MTUS2: variants seen among roughly 807,000 people sequenced by gnomAD.
The protein encoded by MTUS2 is microtubule associated scaffold protein 2.
MTUS2 carries 40 observed loss-of-function variants against 114.1 expected under a neutral mutation model. The observed-to-expected ratio is 0.35, with a 90% CI of 0.27 to 0.46. MTUS2 has a LOEUF of 0.46. Among genes scored for constraint, MTUS2 ranks in the 20% least tolerant of loss-of-function variants. The pLI is 1.00. For missense variants in MTUS2, 1,679 were observed against 1,705.4 expected, an observed-to-expected ratio of 0.98 and a Z score of 0.27; for synonymous variants, 688 against 672.0, an observed-to-expected ratio of 1.02 and a Z score of -0.37.
intron 1 of MTUS2, among the ~76,000 whole-genome samples, chr13:28,833,948 T>C (rs925941394): frequency 6.6e-6 from 1 of 152,136 alleles, no homozygotes; most frequent in Non-Finnish European, 1.5e-5. Context: ...ATAAGATATT[T>C]AGGAACAAAT....
chr13:29,135,537 C>T (rs1425211863), intron 5 of MTUS2, among the ~76,000 whole-genome samples: 2 of 152,152 alleles, frequency 1.3e-5, no homozygotes, highest in East Asian at 1.9e-4. Flanking sequence ...AAAGTAATTA[C>T]TGATAAGGAA....
chr13:28,980,943 C>T lies in MTUS2; in HGVS notation c.-242-43514C>T, dbSNP rs146398821. On this transcript the variant is annotated intron_variant, in intron 2 of 15. Transcript: ENST00000612955. ...CCACACTAGGGCAACAGGCATAAGCCGGGACTTTGCCAGGTAATCTGGGAC... is the reference window on the plus strand; with the variant it reads ...CCACACTAGGGCAACAGGCATAAGCTGGGACTTTGCCAGGTAATCTGGGAC... 1.2e-4 allele frequency among the ~76,000 whole-genome samples: 18 copies of T among 152,332 alleles called. No individual in the cohort carries two copies. In the East Asian group the frequency reaches 2.7e-3, roughly 23 times the overall value.
At chr13:29,363,065 G>A (rs1257738822) in intron 8 of MTUS2, among the ~76,000 whole-genome samples, 1 of 151,812 alleles carries the variant, frequency 6.6e-6, no homozygotes, top group African/African-American at 2.4e-5. Context: ...CATGCTCCCA[G>A]ACCCCCAAGT....
intron 1 of MTUS2, among the ~76,000 whole-genome samples, chr13:28,825,699 C>T (rs1380879066): frequency 6.6e-6 from 1 of 152,188 alleles, no homozygotes; most frequent in Non-Finnish European, 1.5e-5. Flanking sequence ...TTTCTATACT[C>T]ATGGGGACAG....
At chr13:28,929,961 G>A (rs1265982164) in intron 2 of MTUS2, among the ~76,000 whole-genome samples, 4 of 152,182 alleles carry the variant, frequency 2.6e-5, no homozygotes, top group African/African-American at 7.2e-5. Flanking sequence ...TGGGGCTGAG[G>A]CTGCAAGGAG....
At chr13:29,097,614 A>G (rs1262618251) in intron 4 of MTUS2, among the ~76,000 whole-genome samples, 1 of 152,212 alleles carries the variant, frequency 6.6e-6, no homozygotes, top group Non-Finnish European at 1.5e-5. Context: ...TGTAGCGTAT[A>G]AAAACAGAAA....
At chr13:29,217,085 A>AT (rs1467090218) in intron 5 of MTUS2, among the ~76,000 whole-genome samples, 25 of 152,064 alleles carry the variant, frequency 1.6e-4, no homozygotes, top group African/African-American at 5.3e-4. Flanking sequence ...CTTTAGTTGA[A>AT]TTTTTCTGTA....
Position 29,025,594 on chromosome 13 carries a change from C to T in MTUS2, c.896C>T (p.Ala299Val). The T allele has an allele frequency of 1.2e-6, 2 of 1,613,966 alleles. No individual in the cohort carries two copies. Among genetic ancestry groups the T allele is most frequent in the Non-Finnish European group, 8.5e-7 (1 of 1,179,888 alleles). ...AAGGAAATCCCAAGTAAACTGGAAG[C>T]ACAATTAGGTCAGGGAAAGGGAGAG... The part of the protein sequence containing the change: ...ASKEIPSKLE[A>V]QLGQGKGEAK... Residue 299 changes from alanine to valine, a missense_variant, in exon 3 of 16, where the codon GCA becomes GTA. Physicochemically the swap from Ala to Val is moderately conservative, Grantham distance 64 (BLOSUM62 0). Transcript: ENST00000612955.
intron 5 of MTUS2, among the ~76,000 whole-genome samples, chr13:29,232,509 G>A (rs1002244695): frequency 3.9e-5 from 6 of 152,196 alleles, no homozygotes; most frequent in African/African-American, 1.4e-4. Flanking sequence ...TCCCGACTCC[G>A]AGTTCAGGAC....
chr13:29,050,907 T>G (rs750678644), intron 4 of MTUS2, among the ~76,000 whole-genome samples: 32 of 152,020 alleles, frequency 2.1e-4, no homozygotes, highest in Non-Finnish European at 3.8e-4. Flanking sequence ...ATAAAGCCAG[T>G]GTGGGTGGAG....
chr13:29,189,259 T>G (rs1041425089), intron 5 of MTUS2, among the ~76,000 whole-genome samples: 3 of 152,258 alleles, frequency 2.0e-5, no homozygotes, highest in Non-Finnish European at 2.9e-5. Context: ...GAATTCACAC[T>G]TGTGAACTTT....
intron 2 of MTUS2, among the ~76,000 whole-genome samples, chr13:28,861,901 C>A (rs976759066): frequency 6.6e-6 from 1 of 152,104 alleles, no homozygotes; most frequent in Non-Finnish European, 1.5e-5. Flanking sequence ...CCCTGGGAAC[C>A]CCCATACGCT....
intron 6 of MTUS2, among the ~76,000 whole-genome samples, chr13:29,294,587 A>G (rs1328596190): frequency 1.3e-5 from 2 of 152,230 alleles, no homozygotes; most frequent in East Asian, 1.9e-4. Flanking sequence ...ATGTATTACA[A>G]TGAAAGGATA....
At chr13:29,201,474 G>GTGTCTT (rs1462023091) in intron 5 of MTUS2, among the ~76,000 whole-genome samples, 1 of 152,014 alleles carries the variant, frequency 6.6e-6, no homozygotes. Context: ...TTATCAGTCT[G>GTGTCTT]TGTCTTTTAA....
At chr13:29,444,581 T>A (rs183125699) in intron 9 of MTUS2, among the ~76,000 whole-genome samples, 1 of 152,248 alleles carries the variant, frequency 6.6e-6, no homozygotes. Context: ...CCATTTTTTT[T>A]AAAGCCCCCT....
intron 5 of MTUS2, among the ~76,000 whole-genome samples, chr13:29,269,373 T>C (rs1378143065): frequency 6.6e-6 from 1 of 152,160 alleles, no homozygotes; most frequent in African/African-American, 2.4e-5. Flanking sequence ...GGTTTTACAT[T>C]CCTCAAGTTT....
chr13:29,156,674 T>A (rs1204282838), intron 5 of MTUS2, among the ~76,000 whole-genome samples: 1 of 152,190 alleles, frequency 6.6e-6, no homozygotes, highest in Non-Finnish European at 1.5e-5. Context: ...ATGGTGTAAG[T>A]GGCAAGTCTC....
rs368303844 is a variant in MTUS2 at position 28,983,697 on chromosome 13, A to T, written c.-242-40760A>T. Among the ~76,000 whole-genome samples, 216 of 152,332 alleles carry T rather than the reference A, an allele frequency of 1.4e-3. 1 individual carries two copies. Among genetic ancestry groups the T allele is most frequent in the African/African-American group, 5.0e-3 (207 of 41,572 alleles). On this transcript the variant is annotated intron_variant, in intron 2 of 15. Coordinates refer to ENST00000612955, the MANE Select transcript of MTUS2 (RefSeq NM_001033602.4). ...TTAGAAATGCAGATTCTTGGGTCCC[A>T]CCCCAGGCCCTTGGAACCAGAAACT...
At chr13:28,942,022 A>C (rs768134347) in intron 2 of MTUS2, among the ~76,000 whole-genome samples, 1 of 152,204 alleles carries the variant, frequency 6.6e-6, no homozygotes, top group Non-Finnish European at 1.5e-5. Context: ...AAAGTGAAGA[A>C]TTGTTTATCA....
Sources: gnomAD v4.1 joint callset for allele counts (sites outside exome capture counted in the v4.1 genomes callset) on GRCh38, gnomAD v4.1.1 for gene constraint, MANE v1.5 for transcripts, NCBI Gene and HGNC (gene_info 2026-07-23, HGNC 2026-07-21) for gene names.